KHDRBS2: variants seen among roughly 807,000 people sequenced by gnomAD.
The protein encoded by KHDRBS2 is KH RNA binding domain containing, signal transduction associated 2, also known as KH domain-containing, RNA-binding, signal transduction-associated protein 2.
A neutral mutation model predicts 44.3 loss-of-function variants in KHDRBS2; 26 were observed. The observed-to-expected ratio is 0.59, with a 90% CI of 0.43 to 0.81. The LOEUF is 0.81. Ranked by LOEUF, KHDRBS2 falls within the 40% of genes least tolerant of loss-of-function variation. The probability of loss-of-function intolerance (pLI) is 0.00; values close to 1 mark genes in which losing one functional copy is unlikely to be tolerated. For missense variants in KHDRBS2, 476 were observed against 433.1 expected, an observed-to-expected ratio of 1.10 and a Z score of -0.88; for synonymous variants, 194 against 151.1, an observed-to-expected ratio of 1.28 and a Z score of -2.08.
At chr6:61,602,731 C>T in the KHDRBS2 span, among the ~76,000 whole-genome samples, 2 of 152,140 alleles carry the variant, frequency 1.3e-5, no homozygotes, top group South Asian at 2.1e-4. Context: ...TTTCCTTTGC[C>T]TCCATAACTG....
intron 1 of KHDRBS2, among the ~76,000 whole-genome samples, chr6:62,274,777 G>A (rs562759507): frequency 1.3e-5 from 2 of 151,878 alleles, no homozygotes; most frequent in Non-Finnish European, 2.9e-5. Context: ...GTATTATGGA[G>A]ATTTTTATGT....
intron 3 of KHDRBS2, among the ~76,000 whole-genome samples, chr6:62,006,668 T>C (rs1178680462): frequency 6.6e-6 from 1 of 152,052 alleles, no homozygotes; most frequent in Non-Finnish European, 1.5e-5. Context: ...CTTTATCCTA[T>C]ACAAGACCAT....
intron 6 of KHDRBS2, among the ~76,000 whole-genome samples, chr6:61,740,685 T>C (rs1186716724): frequency 1.3e-5 from 2 of 151,922 alleles, no homozygotes; most frequent in South Asian, 2.1e-4. Context: ...ACATGTCTTA[T>C]GGGTTTTCAC....
intron 1 of KHDRBS2, among the ~76,000 whole-genome samples, chr6:62,187,959 A>T (rs1823785262): frequency 1.3e-5 from 2 of 151,876 alleles, no homozygotes; most frequent in African/African-American, 4.8e-5. Context: ...TTTTGGTGAG[A>T]CCCAGAAAGC....
At chr6:61,969,653 G>T (rs1192445) in intron 4 of KHDRBS2, among the ~76,000 whole-genome samples, 1 of 151,728 alleles carries the variant, frequency 6.6e-6, no homozygotes, top group Non-Finnish European at 1.5e-5. Flanking sequence ...AGTAGATTAG[G>T]AATAAAAAGA....
chr6:61,774,872 C>A (rs1781675808), intron 6 of KHDRBS2, among the ~76,000 whole-genome samples: 1 of 152,108 alleles, frequency 6.6e-6, no homozygotes, highest in Admixed American at 6.6e-5. Context: ...CCCTGATGAA[C>A]ATCAATGCAA....
chr6:62,274,542 G>C (rs371380871), intron 1 of KHDRBS2, among the ~76,000 whole-genome samples: 2 of 152,100 alleles, frequency 1.3e-5, no homozygotes, highest in East Asian at 1.9e-4. Flanking sequence ...CTACCAATTT[G>C]AATAAATATT....
intron 3 of KHDRBS2, among the ~76,000 whole-genome samples, chr6:62,008,560 G>GGAT (rs1172043316): frequency 3.3e-5 from 5 of 152,084 alleles, no homozygotes; most frequent in Admixed American, 1.3e-4. Flanking sequence ...CTAATTTTGG[G>GGAT]GATGGAATTA....
intron 6 of KHDRBS2, among the ~76,000 whole-genome samples, chr6:61,838,964 G>T (rs1382598591): frequency 6.6e-6 from 1 of 151,884 alleles, no homozygotes; most frequent in Non-Finnish European, 1.5e-5. Flanking sequence ...ACCTCTCCAG[G>T]GTCATTACTC....
intron 6 of KHDRBS2, among the ~76,000 whole-genome samples, chr6:61,875,891 CT>C (rs1294916850): frequency 6.6e-6 from 1 of 151,972 alleles, no homozygotes; most frequent in South Asian, 2.1e-4. Flanking sequence ...ATTTTATACT[CT>C]TTTTTGTCAT....
intron 6 of KHDRBS2, among the ~76,000 whole-genome samples, chr6:61,799,811 C>T (rs1785977506): frequency 1.3e-5 from 2 of 151,978 alleles, no homozygotes; most frequent in African/African-American, 2.4e-5. Flanking sequence ...CACATTCTTC[C>T]ACTGTCAAGA....
intron 1 of KHDRBS2, among the ~76,000 whole-genome samples, chr6:62,199,329 C>T (rs1826401042): frequency 6.6e-6 from 1 of 152,112 alleles, no homozygotes; most frequent in Non-Finnish European, 1.5e-5. Flanking sequence ...GATTGTATAT[C>T]TAGAAAACCC....
At chr6:62,246,503 G>A (rs1398363173) in intron 1 of KHDRBS2, among the ~76,000 whole-genome samples, 4 of 151,826 alleles carry the variant, frequency 2.6e-5, no homozygotes, top group Non-Finnish European at 5.9e-5. Context: ...CTTGTTCTTT[G>A]CAGTGTACAG....
At position 62,137,113 on chromosome 6, in the gene KHDRBS2, G is replaced by T. The variant is rs570767852; in HGVS notation, c.219+40072C>A. ...CCTCCCGGGTTCACGCCATTCTCCT[G>T]CCTCAGCCTCCTGAGTAGCTGGGAC... is the stretch of plus-strand genomic sequence containing the variant. On this transcript the variant is annotated intron_variant, in intron 2 of 8. Coordinates refer to ENST00000281156, the MANE Select transcript of KHDRBS2 (RefSeq NM_152688.4). 4.2e-5 allele frequency among the ~76,000 whole-genome samples: 6 copies of T among 143,218 alleles called. No homozygotes were observed. The East Asian group carries it at 1.3e-3, about 30-fold the overall frequency. The allele number at this position is 143,218 out of a possible 152,430, so 94.0% of individuals were successfully genotyped here. A position where few individuals can be genotyped will look rare whatever the true frequency, so the allele number is the denominator to read the frequency against.
At chr6:62,160,682 C>A (rs193228465) in intron 2 of KHDRBS2, among the ~76,000 whole-genome samples, 1 of 151,998 alleles carries the variant, frequency 6.6e-6, no homozygotes, top group Non-Finnish European at 1.5e-5. Flanking sequence ...AAGAAGATGA[C>A]GACCTAGGCC....
chr6:61,947,913 AAATAATAATAATAAT>A (rs56372678), intron 4 of KHDRBS2, among the ~76,000 whole-genome samples: 48,810 of 143,178 alleles, frequency 0.34, 8,544 homozygotes, highest in Middle Eastern at 0.41. Context: ...CACACACACA[AAATAATAATAATAAT>A]AATAATAATA....
At chr6:62,106,932 G>A (rs1192374877) in intron 2 of KHDRBS2, among the ~76,000 whole-genome samples, 2 of 151,760 alleles carry the variant, frequency 1.3e-5, no homozygotes, top group African/African-American at 4.8e-5. Context: ...AGGTATTGAT[G>A]GGATATATCT....
At chr6:61,592,246 A>T in the KHDRBS2 span, among the ~76,000 whole-genome samples, 1 of 151,544 alleles carries the variant, frequency 6.6e-6, no homozygotes, top group South Asian at 2.1e-4. Flanking sequence ...AGATTTTTAA[A>T]GTGCACACGT....
intron 3 of KHDRBS2, among the ~76,000 whole-genome samples, chr6:62,011,692 A>G (rs1780321119): frequency 6.6e-6 from 1 of 151,944 alleles, no homozygotes; most frequent in South Asian, 2.1e-4. Context: ...TCTTATTTTT[A>G]TTGGTAGTTT....
Sources: allele counts gnomAD v4.1 joint callset (sites outside exome capture counted in the v4.1 genomes callset), GRCh38; gene constraint gnomAD v4.1.1; transcripts MANE v1.5; gene names NCBI Gene and HGNC (gene_info 2026-07-23, HGNC 2026-07-21).